The following BEAN1 variants were observed in gnomAD, a reference collection of about 807,000 sequenced individuals.
BEAN1 encodes protein BEAN1.
Under a neutral mutation model 17.7 loss-of-function variants are expected in BEAN1, and 17 were observed. The observed-to-expected ratio is 0.96, with a 90% CI of 0.66 to 1.44. The LOEUF (loss-of-function observed/expected upper bound fraction) is 1.44, where lower values mean the gene tolerates loss of function less well. Ranked by LOEUF, BEAN1 falls within the 40% of genes most tolerant of loss-of-function variation. The pLI is 0.00. For synonymous variants in BEAN1, 142 were observed against 151.8 expected (o/e 0.94, Z 0.47); for missense variants, 359 against 374.1 (o/e 0.96, Z 0.33).
At chr16:66,440,102 G>A (rs1224362565) in intron 2 of BEAN1, among the ~76,000 whole-genome samples, 3 of 149,386 alleles carry the variant, frequency 2.0e-5, no homozygotes, top group Non-Finnish European at 3.0e-5. Flanking sequence ...TCTCAGCTGC[G>A]TCTCACCCTG....
intron 1 of BEAN1, among the ~76,000 whole-genome samples, chr16:66,436,180 T>A (rs192461499): frequency 1.3e-4 from 20 of 152,270 alleles, no homozygotes; most frequent in African/African-American, 4.1e-4. Context: ...ATCTCTCTCC[T>A]GTTCCTACAG....
At chr16:66,475,017 C>G (rs1213233861) in intron 3 of BEAN1, among the ~76,000 whole-genome samples, 1 of 152,212 alleles carries the variant, frequency 6.6e-6, no homozygotes, top group Non-Finnish European at 1.5e-5. Context: ...CTTCCTCCCT[C>G]TCCCAGAGCC....
chr16:66,478,612 TAATAA>T (rs763515432), intron 4 of BEAN1, among the ~76,000 whole-genome samples: 8 of 151,962 alleles, frequency 5.3e-5, no homozygotes, highest in African/African-American at 1.7e-4. Context: ...AAAAAAATAA[TAATAA>T]AATAATAATA....
chr16:66,469,166 TAC>T (rs1424727159), intron 2 of BEAN1, among the ~76,000 whole-genome samples: 1 of 152,236 alleles, frequency 6.6e-6, no homozygotes, highest in African/African-American at 2.4e-5. Context: ...TCGTTACTCA[TAC>T]TCTGTCCCCC....
downstream of BEAN1, chr16:66,486,037 G>C (rs551785281): frequency 6.6e-6 from 1 of 152,186 alleles, no homozygotes; most frequent in Non-Finnish European, 1.5e-5. Flanking sequence ...GTCCACCACA[G>C]TGCCTTCATT....
At chr16:66,452,209 C>T (rs937632241) in intron 2 of BEAN1, among the ~76,000 whole-genome samples, 5 of 152,202 alleles carry the variant, frequency 3.3e-5, no homozygotes, top group African/African-American at 1.2e-4. Flanking sequence ...ACTGGTTTCT[C>T]TCGTCCTGCC....
chr16:66,459,226 A>G (rs1239723190), intron 2 of BEAN1, among the ~76,000 whole-genome samples: 1 of 152,074 alleles, frequency 6.6e-6, no homozygotes. Context: ...GCCTCTGCCC[A>G]TTCTGTCCTC....
chr16:66,448,488 G>C (rs1962540875), intron 2 of BEAN1, among the ~76,000 whole-genome samples: 1 of 152,126 alleles, frequency 6.6e-6, no homozygotes, highest in Non-Finnish European at 1.5e-5. Flanking sequence ...CCAACCATCA[G>C]TGCAAGCTCA....
intron 1 of BEAN1, among the ~76,000 whole-genome samples, chr16:66,431,210 A>C (rs1961785574): frequency 6.6e-6 from 1 of 152,260 alleles, no homozygotes; most frequent in Admixed American, 6.5e-5. Flanking sequence ...ACATGCCTGT[A>C]GTCAGCTGCT....
At chr16:66,486,755 C>T (rs373471277), downstream of BEAN1, among the ~76,000 whole-genome samples, 53 of 152,344 alleles carry the variant, frequency 3.5e-4, no homozygotes, top group East Asian at 9.3e-3. Context: ...GACGAGCAGC[C>T]TCTGCCATGT....
At chr16:66,447,776 C>T (rs922573695) in intron 2 of BEAN1, among the ~76,000 whole-genome samples, 1 of 152,162 alleles carries the variant, frequency 6.6e-6, no homozygotes, top group Non-Finnish European at 1.5e-5. Context: ...GTGAGTCTTA[C>T]CCTGGGGCTC....
At chr16:66,441,751 T>C (rs1423068625) in intron 2 of BEAN1, among the ~76,000 whole-genome samples, 1 of 152,170 alleles carries the variant, frequency 6.6e-6, no homozygotes. Flanking sequence ...AGCCCACCTG[T>C]AACCCAGGTC....
intron 1 of BEAN1, among the ~76,000 whole-genome samples, chr16:66,436,007 C>T (rs1030254864): frequency 3.9e-5 from 6 of 152,124 alleles, no homozygotes; most frequent in African/African-American, 1.4e-4. Context: ...CCCCTCATGA[C>T]CCCTGCAGGG....
downstream of BEAN1, chr16:66,485,457 T>C (rs1304190858): frequency 6.5e-6 from 2 of 305,772 alleles, no homozygotes; most frequent in African/African-American, 2.2e-5. Context: ...GTAAGCTTCA[T>C]CGTCTGAGGA....
chr16:66,451,857 C>T (rs1048507788), intron 2 of BEAN1, among the ~76,000 whole-genome samples: 1 of 152,214 alleles, frequency 6.6e-6, no homozygotes, highest in African/African-American at 2.4e-5. Flanking sequence ...AGCAAAGGAA[C>T]TCGGGACTTT....
At chr16:66,469,901 A>T (rs1016960221) in intron 3 of BEAN1, 36 bp downstream of exon 3, 1 of 1,524,656 alleles carries the variant, frequency 6.6e-7, no homozygotes, top group African/African-American at 1.4e-5. Flanking sequence ...CTGGGACCTC[A>T]TCTGACTGGG....
At chr16:66,444,006 A>G (rs1164287065) in intron 2 of BEAN1, among the ~76,000 whole-genome samples, 3 of 152,146 alleles carry the variant, frequency 2.0e-5, no homozygotes, top group Non-Finnish European at 4.4e-5. Context: ...GCACAATCAT[A>G]TCATATTCAG....
At position 66,473,696 on chromosome 16, in the gene BEAN1, CTAAATAAATAAA is replaced by C. The variant is rs535920093; in HGVS notation, c.289+3847_290-3837del. Among the ~76,000 whole-genome samples, 5 of 151,314 alleles carry C rather than the reference CTAAATAAATAAA, an allele frequency of 3.3e-5. No individual in the cohort carries two copies. The highest frequency in any genetic ancestry group is 4.9e-5 in the African/African-American group (2 of 41,232). On this transcript the variant is annotated intron_variant, in intron 3 of 4. Coordinates refer to ENST00000536005, the MANE Select transcript of BEAN1 (RefSeq NM_001178020.3). The surrounding 1 kb of genome is among the most constrained non-coding windows in gnomAD (Gnocchi z 4.5). ...TGAGCAACAGAGCAAGACCCTGTCT[CTAAATAAATAAA>C]TAAATAAATAAATAATAAATAATAA...
intron 2 of BEAN1, among the ~76,000 whole-genome samples, chr16:66,455,332 A>G (rs1962824779): frequency 6.6e-6 from 1 of 152,236 alleles, no homozygotes; most frequent in Non-Finnish European, 1.5e-5. Flanking sequence ...TGTAATGGTG[A>G]CCTGCACATA....
Sources: gnomAD v4.1 joint callset for allele counts (sites outside exome capture counted in the v4.1 genomes callset) on GRCh38, gnomAD v4.1.1 for gene constraint, Gnocchi (gnomAD v3.1) non-coding constraint, MANE v1.5 for transcripts, NCBI Gene and HGNC (gene_info 2026-07-23, HGNC 2026-07-21) for gene names.